The following GALNT13 variants were observed in gnomAD, a reference collection of about 807,000 sequenced individuals.
GALNT13 encodes the protein polypeptide N-acetylgalactosaminyltransferase 13.
Under a neutral mutation model 64.2 loss-of-function variants are expected in GALNT13, and 28 were observed. The ratio of observed to expected loss-of-function variants is 0.44; its 90% CI spans 0.32 to 0.60. The LOEUF (loss-of-function observed/expected upper bound fraction) is 0.60. Among genes scored for constraint, GALNT13 ranks in the 20% least tolerant of loss-of-function variants. The pLI, the probability that GALNT13 is intolerant of heterozygous loss-of-function variation, is 0.05. For missense variants in GALNT13, 577 were observed against 669.8 expected, an observed-to-expected ratio of 0.86 and a Z score of 1.53; for synonymous variants, 214 against 224.6, an observed-to-expected ratio of 0.95 and a Z score of 0.42.
the GALNT13 span, among the ~76,000 whole-genome samples, chr2:153,608,818 C>A: frequency 2.7e-5 from 4 of 146,014 alleles, no homozygotes; most frequent in African/African-American, 9.9e-5. Flanking sequence ...ATAATATATA[C>A]CCTAAAGAAT....
At chr2:153,818,428 A>T in the GALNT13 span, among the ~76,000 whole-genome samples, 2 of 151,936 alleles carry the variant, frequency 1.3e-5, no homozygotes, top group African/African-American at 4.8e-5. Context: ...CTGTGCAGCA[A>T]CTCTACCTCT....
intron 3 of GALNT13, among the ~76,000 whole-genome samples, chr2:154,124,967 C>A (rs529147335): frequency 1.3e-5 from 2 of 152,148 alleles, no homozygotes; most frequent in Admixed American, 6.5e-5. Context: ...ATATTAATAA[C>A]AAACTCTGAG....
the GALNT13 span, among the ~76,000 whole-genome samples, chr2:153,426,403 A>G: frequency 6.6e-6 from 1 of 151,972 alleles, no homozygotes; most frequent in African/African-American, 2.4e-5. Flanking sequence ...CACGCTTTGT[A>G]CTAAGGTAAT....
At chr2:153,762,760 A>G in the GALNT13 span, 1 of 151,274 alleles carries the variant, frequency 6.6e-6, no homozygotes, top group African/African-American at 2.4e-5. Context: ...GTATTCTGGA[A>G]AGTTCGGCCC....
intron 9 of GALNT13, among the ~76,000 whole-genome samples, chr2:154,353,129 C>T (rs1483063734): frequency 6.6e-6 from 1 of 152,084 alleles, no homozygotes; most frequent in Non-Finnish European, 1.5e-5. Context: ...AGTGATTTGA[C>T]CTCTTTGAGC....
chr2:153,148,656 A>G, the GALNT13 span, among the ~76,000 whole-genome samples: 1 of 151,730 alleles, frequency 6.6e-6, no homozygotes, highest in Non-Finnish European at 1.5e-5. Context: ...GGGAAAAAAT[A>G]TAAGTGCTAT....
At chr2:153,487,083 A>C in the GALNT13 span, among the ~76,000 whole-genome samples, 1 of 152,206 alleles carries the variant, frequency 6.6e-6, no homozygotes, top group Non-Finnish European at 1.5e-5. Context: ...TTGATTTTAA[A>C]AACATGAAGG....
chr2:153,604,380 C>T, the GALNT13 span, among the ~76,000 whole-genome samples: 1 of 152,034 alleles, frequency 6.6e-6, no homozygotes. Flanking sequence ...CAATCTCTGT[C>T]TCTCTGTCTC....
the GALNT13 span, among the ~76,000 whole-genome samples, chr2:153,301,942 C>G: frequency 2.1e-5 from 3 of 146,154 alleles, no homozygotes; most frequent in African/African-American, 7.7e-5. Context: ...TTATCTATTC[C>G]TTTGCTGATA....
At chr2:154,445,916 CA>C in intron 12 of GALNT13, 2 of 665,722 alleles carry the variant, frequency 3.0e-6, no homozygotes, top group South Asian at 1.5e-5. Flanking sequence ...GAGCAAGAAA[CA>C]GACAGATAAA....
the GALNT13 span, among the ~76,000 whole-genome samples, chr2:153,716,380 T>G: frequency 6.6e-6 from 1 of 152,186 alleles, no homozygotes; most frequent in African/African-American, 2.4e-5. Flanking sequence ...GCTCATCAGC[T>G]ATCATCGGTG....
At chr2:153,927,192 A>G (rs1176187960) in intron 2 of GALNT13, among the ~76,000 whole-genome samples, 1 of 152,022 alleles carries the variant, frequency 6.6e-6, no homozygotes, top group Non-Finnish European at 1.5e-5. Context: ...TGTTTTTACC[A>G]ATTTATGTTT....
At chr2:153,771,565 A>G in the GALNT13 span, among the ~76,000 whole-genome samples, 1 of 152,068 alleles carries the variant, frequency 6.6e-6, no homozygotes, top group African/African-American at 2.4e-5. Context: ...CAGTCTCCCA[A>G]TCCAGGTGAG....
intron 9 of GALNT13, among the ~76,000 whole-genome samples, chr2:154,384,607 T>C (rs553311006): frequency 6.6e-5 from 10 of 151,964 alleles, no homozygotes; most frequent in African/African-American, 1.9e-4. Flanking sequence ...TTAAATCATA[T>C]GTCATTCATG....
intron 4 of GALNT13, among the ~76,000 whole-genome samples, chr2:154,169,126 C>A (rs1185841156): frequency 6.6e-6 from 1 of 152,058 alleles, no homozygotes; most frequent in Admixed American, 6.5e-5. Context: ...CCGCTACCAC[C>A]ACAGGGGACA....
At chr2:153,549,108 AAG>A in the GALNT13 span, among the ~76,000 whole-genome samples, 2 of 152,182 alleles carry the variant, frequency 1.3e-5, no homozygotes, top group East Asian at 3.9e-4. Flanking sequence ...GGGTTAAGGA[AAG>A]AGGGGAATAT....
the GALNT13 span, among the ~76,000 whole-genome samples, chr2:153,649,637 T>A: frequency 1.3e-5 from 2 of 152,194 alleles, no homozygotes; most frequent in Non-Finnish European, 2.9e-5. Flanking sequence ...CTGCTTTAAA[T>A]GTGTCTGATA....
At chr2:154,067,709 A>T (rs572702829) in intron 3 of GALNT13, among the ~76,000 whole-genome samples, 2 of 152,216 alleles carry the variant, frequency 1.3e-5, no homozygotes, top group East Asian at 3.9e-4. Context: ...CATATACAAA[A>T]GTCAACTCAA....
At chr2:153,438,087 C>G in the GALNT13 span, among the ~76,000 whole-genome samples, 1 of 152,094 alleles carries the variant, frequency 6.6e-6, no homozygotes, top group Non-Finnish European at 1.5e-5. Flanking sequence ...ACTTATGAAG[C>G]TTAGTTTGGC....
Sources: gnomAD v4.1 joint callset for allele counts (sites outside exome capture counted in the v4.1 genomes callset) on GRCh38, gnomAD v4.1.1 for gene constraint, MANE v1.5 for transcripts, NCBI Gene and HGNC (gene_info 2026-07-23, HGNC 2026-07-21) for gene names.